Variants in FAT4 observed in about 807,000 individuals in gnomAD.
FAT4 encodes the protein FAT atypical cadherin 4.
Under a neutral mutation model 303.9 loss-of-function variants are expected in FAT4, and 84 were observed. The observed-to-expected ratio is 0.28, with a 90% CI of 0.23 to 0.33. The LOEUF (loss-of-function observed/expected upper bound fraction) is 0.33. FAT4 is among the 10% of genes least tolerant of loss of function. The pLI, the probability that FAT4 is intolerant of heterozygous loss-of-function variation, is 1.00. For synonymous variants in FAT4, 2,307 were observed against 2,298.8 expected (o/e 1.00, Z -0.10); for missense variants, 6,005 against 6,146.8 (o/e 0.98, Z 0.77).
At position 125,449,206 on chromosome 4, in the gene FAT4, T is replaced by A; in HGVS notation, c.8196T>A (p.Pro2732=). The A allele has an allele frequency of 6.2e-7, 1 of 1,613,946 alleles. No individual in the cohort carries two copies. Among genetic ancestry groups the A allele is most frequent in the Non-Finnish European group, 8.5e-7 (1 of 1,179,894 alleles). ...HATGEIRSVR[P]LDREKVSHYV... is the part of the protein sequence containing the mutation. Reference sequence around the variant, plus strand: ...CTGGTGAAATTAGAAGCGTTAGACCTTTGGACAGGGAAAAAGTATCTCATT... The same window carrying A: ...CTGGTGAAATTAGAAGCGTTAGACCATTGGACAGGGAAAAAGTATCTCATT... Residue 2732 remains proline (P), a synonymous_variant, in exon 10 of 18, where the codon CCT becomes CCA. Transcript: ENST00000394329.
intron 9 of FAT4, 46 bp downstream of exon 9, chr4:125,446,589 T>TA: frequency 1.4e-6 from 2 of 1,436,116 alleles, no homozygotes; most frequent in Middle Eastern, 1.8e-4. Context: ...ACAAACTATG[T>TA]ATCAGACATT....
chr4:125,378,984 T>TA, intron 2 of FAT4, among the ~76,000 whole-genome samples: 1 of 151,262 alleles, frequency 6.6e-6, no homozygotes, highest in Middle Eastern at 3.4e-3. Flanking sequence ...GTTCATTCTA[T>TA]AAAAAAAGGT....
rs780699634 is a variant in FAT4, at chr4:125,448,702, C to G, written c.7692C>G (p.Ala2564=). 3.1e-6 allele frequency: 5 copies of G among 1,613,732 alleles called. No homozygotes were observed. The highest frequency in any genetic ancestry group is 3.3e-4 in the Middle Eastern group (2 of 6,084). ...TTVTVRFVNK[A]DFPKVRAKEQ... is the part of the protein sequence containing the mutation. ...TGACTGTTAGATTCGTGAATAAGGC[C>G]GATTTCCCTAAAGTGAGAGCCAAAG... Residue 2564 remains alanine (A), a synonymous_variant, in exon 10 of 18, where the codon GCC becomes GCG. Coordinates refer to ENST00000394329, the MANE Select transcript of FAT4 (RefSeq NM_001291303.3).
chr4:125,408,929 A>G lies in FAT4; in HGVS notation c.5920+135A>G, dbSNP rs911079260. ...AGGTTGGAAGTTGAGGAATAGAATT[A>G]TAACTGAACTGTAGAGGATTTTAAA... On this transcript the variant is annotated intron_variant, in intron 5 of 17. Transcript: ENST00000394329. 5.0e-5 allele frequency: 23 copies of G among 462,826 alleles called. No individual in the cohort carries two copies. The Admixed American group carries it at 5.9e-4, about 12-fold the overall frequency. The allele number at this position is 462,826 out of a possible 1,614,324, so 28.7% of individuals were successfully genotyped here.
intron 2 of FAT4, among the ~76,000 whole-genome samples, chr4:125,382,839 T>C (rs1339727495): frequency 1.3e-5 from 2 of 152,230 alleles, no homozygotes; most frequent in African/African-American, 2.4e-5. Context: ...TCTGGATATC[T>C]TCTTGCAGCT....
chr4:125,491,730 C>T lies in FAT4; in HGVS notation c.14914C>T (p.Pro4972Ser), dbSNP rs753225272. The T allele has an allele frequency of 2.3e-5, 37 of 1,613,626 alleles. No individual in the cohort carries two copies. Among genetic ancestry groups the T allele is most frequent in the Non-Finnish European group, 2.5e-5 (30 of 1,179,802 alleles). ...NEEGKAGTTK[P>S]VPKDGEAEQY... ...AGAAGGCAAAGCTGGGACAACTAAA[C>T]CAGTCCCCAAAGATGGGGAAGCAGA... Residue 4972 changes from proline (P) to serine (S), a missense_variant, in exon 18 of 18, where the codon CCA becomes TCA. Physicochemically the swap from Pro to Ser is moderately conservative, Grantham distance 74. Transcript: ENST00000394329.
chr4:125,446,854 G>A (rs1191368765), intron 9 of FAT4, among the ~76,000 whole-genome samples: 2 of 151,676 alleles, frequency 1.3e-5, no homozygotes, highest in African/African-American at 4.8e-5. Context: ...TATGGCCTGA[G>A]GTATAACTTT....
chr4:125,317,792 C>G lies in FAT4; in HGVS notation c.1381C>G (p.Leu461Val), dbSNP rs751472010. The G allele has an allele frequency of 2.5e-5, 41 of 1,614,086 alleles. No individual in the cohort carries two copies. In the Admixed American group the frequency reaches 3.7e-4, roughly 14 times the overall value. The change falls in exon 2 of 18, where the codon CTG becomes GTG. Residue 461 changes from leucine (L) to valine (V), a missense_variant. Transcript: ENST00000394329. This position sits in a 1 kb window ranked among gnomAD's most constrained non-coding sequence, Gnocchi z 7.0. ...CCAGGCGCGCTCTTCTGTGGCAAGC[C>G]TGGTGATTTTTGTTAATGACATCAA... ...AVQARSSVAS[L>V]VIFVNDINDH...
intron 2 of FAT4, among the ~76,000 whole-genome samples, chr4:125,390,857 A>C (rs17009581): frequency 0.038 from 5,859 of 152,196 alleles, 378 homozygotes; most frequent in African/African-American, 0.13. Context: ...AAGTTTTTGA[A>C]ATTTTAAGTC....
intron 2 of FAT4, among the ~76,000 whole-genome samples, chr4:125,359,508 ACT>A (rs1476246295): frequency 6.6e-6 from 1 of 152,210 alleles, no homozygotes; most frequent in Non-Finnish European, 1.5e-5. Context: ...GATTTATAAT[ACT>A]GTTACTCAGT....
intron 2 of FAT4, among the ~76,000 whole-genome samples, chr4:125,348,295 A>G (rs1006308513): frequency 1.7e-4 from 26 of 151,994 alleles, no homozygotes; most frequent in African/African-American, 5.1e-4. Flanking sequence ...TGCCCAATTA[A>G]TATACAACTT....
In FAT4 at chr4:125,319,705, T is replaced by A. The variant is rs200300207; in HGVS notation, c.3294T>A (p.Pro1098=). Residue 1098 remains proline, a synonymous_variant, in exon 2 of 18, where the codon CCT becomes CCA. Transcript: ENST00000394329. ...VILEDVNDNR[P]LFNSTNYTFY... is the part of the protein sequence containing the mutation. ...TAGAAGATGTAAATGATAACAGACC[T>A]CTTTTTAACAGTACCAATTACACAT... The A allele has an allele frequency of 1.9e-3, 3,097 of 1,614,086 alleles. 6 individuals carry two copies. The highest frequency in any genetic ancestry group is 2.5e-3 in the Non-Finnish European group (2,971 of 1,179,904).
chr4:125,392,374 A>T (rs1324811350), intron 2 of FAT4, among the ~76,000 whole-genome samples: 1 of 152,154 alleles, frequency 6.6e-6, no homozygotes, highest in Non-Finnish European at 1.5e-5. Context: ...CCACTAAACA[A>T]AACAAAAAAT....
chr4:125,472,776 A>G (rs1726907543), intron 12 of FAT4, among the ~76,000 whole-genome samples: 2 of 152,214 alleles, frequency 1.3e-5, no homozygotes, highest in African/African-American at 2.4e-5. Context: ...ATTAGCTTTA[A>G]ATATAACCAA....
chr4:125,466,604 C>A (rs924979390), intron 11 of FAT4, among the ~76,000 whole-genome samples: 3 of 111,886 alleles, frequency 2.7e-5, no homozygotes, highest in Non-Finnish European at 5.5e-5. Flanking sequence ...AATACAAATT[C>A]TACAGGATAG....
At chr4:125,426,138 C>T (rs535511834) in intron 7 of FAT4, among the ~76,000 whole-genome samples, 155 of 152,050 alleles carry the variant, frequency 1.0e-3, no homozygotes, top group African/African-American at 3.5e-3. Flanking sequence ...ATAAATGGCT[C>T]TGTAATCAAA....
intron 2 of FAT4, among the ~76,000 whole-genome samples, chr4:125,386,880 G>A (rs1157643313): frequency 6.6e-6 from 1 of 152,096 alleles, no homozygotes; most frequent in South Asian, 2.1e-4. Flanking sequence ...TTGGTACCAG[G>A]GACCAGTTTG....
At chr4:125,411,883 A>T (rs1029928238) in intron 5 of FAT4, among the ~76,000 whole-genome samples, 1 of 151,134 alleles carries the variant, frequency 6.6e-6, no homozygotes, top group Non-Finnish European at 1.5e-5. Flanking sequence ...TGACGAAACC[A>T]TAAAACCATA....
intron 2 of FAT4, among the ~76,000 whole-genome samples, chr4:125,331,742 A>G (rs1411037179): frequency 6.6e-6 from 1 of 152,204 alleles, no homozygotes; most frequent in Non-Finnish European, 1.5e-5. Context: ...AAACTTTGAA[A>G]ACATTACTAC....
Sources: allele counts gnomAD v4.1 joint callset (sites outside exome capture counted in the v4.1 genomes callset), GRCh38; gene constraint gnomAD v4.1.1; non-coding constraint Gnocchi (gnomAD v3.1); transcripts MANE v1.5; gene names NCBI Gene and HGNC (gene_info 2026-07-23, HGNC 2026-07-21).